The following EBF1 variants were observed in gnomAD, a reference collection of about 807,000 sequenced individuals.
EBF1 encodes EBF transcription factor 1, also known as transcription factor COE1.
In EBF1, 10 loss-of-function variants were observed where a neutral mutation model predicts 68.4. The ratio of observed to expected loss-of-function variants is 0.15; its 90% CI spans 0.09 to 0.25. The LOEUF (loss-of-function observed/expected upper bound fraction) is 0.25. Ranked by LOEUF, EBF1 falls within the 10% of genes least tolerant of loss-of-function variation. The pLI is 1.00. For missense variants in EBF1, 509 were observed against 794.4 expected, an observed-to-expected ratio of 0.64 and a Z score of 4.32; for synonymous variants, 298 against 299.8, an observed-to-expected ratio of 0.99 and a Z score of 0.06.
At chr5:158,959,677 A>G (rs573826775) in intron 6 of EBF1, among the ~76,000 whole-genome samples, 166 of 152,242 alleles carry the variant, frequency 1.1e-3, no homozygotes, top group African/African-American at 3.9e-3. Context: ...ATGTATATAT[A>G]TATATACTTT....
intron 8 of EBF1, among the ~76,000 whole-genome samples, chr5:158,799,891 A>AT (rs538102256): frequency 4.0e-4 from 61 of 152,180 alleles, no homozygotes; most frequent in African/African-American, 1.3e-3. Flanking sequence ...CGAATTCAGT[A>AT]TTTTTTTAAT....
chr5:158,886,581 G>T (rs761652324), intron 6 of EBF1, among the ~76,000 whole-genome samples: 4 of 152,188 alleles, frequency 2.6e-5, no homozygotes, highest in Admixed American at 2.6e-4. Context: ...CTCTTTCAAA[G>T]ATTTACTTCT....
At chr5:158,712,010 A>G in intron 14 of EBF1, 144 bp downstream of exon 14, 1 of 931,934 alleles carries the variant, frequency 1.1e-6, no homozygotes, top group Admixed American at 2.5e-5. Context: ...TGGTGCCTTT[A>G]GCACCATCAC....
intron 9 of EBF1, among the ~76,000 whole-genome samples, chr5:158,791,318 C>CA (rs70987931): frequency 0.13 from 9,071 of 68,472 alleles, 457 homozygotes; most frequent in East Asian, 0.25. Context: ...GATTCCATCT[C>CA]AAAAAAAAAA....
At position 158,762,950 on chromosome 5, in the gene EBF1, C is replaced by T. The variant is rs1269151390; in HGVS notation, c.1036+14463G>A. Among the ~76,000 whole-genome samples, 6 of 152,164 alleles carry T rather than the reference C, an allele frequency of 3.9e-5. No individual in the cohort carries two copies. In the South Asian group the frequency reaches 8.3e-4, roughly 21 times the overall value. On this transcript the variant is annotated intron_variant, in intron 10 of 15. Transcript: ENST00000313708. ...GACTCGTTCATTGTTAGCCAGTCAA[C>T]GTTCCTGTCGGGCATCAAACAAACA...
At chr5:158,700,368 C>T (rs1218403402) in intron 15 of EBF1, among the ~76,000 whole-genome samples, 4 of 152,228 alleles carry the variant, frequency 2.6e-5, no homozygotes, top group Non-Finnish European at 4.4e-5. Context: ...CTCCCAATCA[C>T]GGTTAAGTGT....
intron 7 of EBF1, among the ~76,000 whole-genome samples, chr5:158,839,355 T>C (rs1457684578): frequency 6.6e-6 from 1 of 152,158 alleles, no homozygotes; most frequent in Admixed American, 6.5e-5. Flanking sequence ...CCAGTTGTAC[T>C]CTTTACTGTT....
At chr5:158,932,777 A>G (rs1441336513) in intron 6 of EBF1, among the ~76,000 whole-genome samples, 3 of 152,244 alleles carry the variant, frequency 2.0e-5, no homozygotes, top group South Asian at 2.1e-4. Flanking sequence ...GACTTTTAGT[A>G]GGGCACTCCC....
At chr5:158,761,451 T>C (rs79710251) in intron 10 of EBF1, among the ~76,000 whole-genome samples, 1,714 of 152,336 alleles carry the variant, frequency 0.011, 35 homozygotes, top group African/African-American at 0.039. Flanking sequence ...TATGAAATAA[T>C]GTGTGTTATT....
intron 10 of EBF1, among the ~76,000 whole-genome samples, chr5:158,756,172 GC>G (rs1770045169): frequency 6.6e-6 from 1 of 152,066 alleles, no homozygotes; most frequent in Non-Finnish European, 1.5e-5. Context: ...ATTCTGGCAG[GC>G]TGTTTCCCTC....
chr5:158,713,626 G>A (rs1759969613), intron 12 of EBF1, among the ~76,000 whole-genome samples: 1 of 152,212 alleles, frequency 6.6e-6, no homozygotes, highest in African/African-American at 2.4e-5. Context: ...TAATGGGACT[G>A]TGTCCCCCAG....
At chr5:159,000,339 T>A (rs1189224537) in intron 6 of EBF1, among the ~76,000 whole-genome samples, 1 of 152,182 alleles carries the variant, frequency 6.6e-6, no homozygotes, top group Non-Finnish European at 1.5e-5. Context: ...AATGATAAAA[T>A]GAGTAATACA....
At chr5:158,790,718 A>G (rs1419247033) in intron 9 of EBF1, among the ~76,000 whole-genome samples, 1 of 152,178 alleles carries the variant, frequency 6.6e-6, no homozygotes, top group Non-Finnish European at 1.5e-5. Context: ...AGTCTTCCAT[A>G]ACATTATCTA....
intron 8 of EBF1, among the ~76,000 whole-genome samples, chr5:158,797,215 C>G (rs1326601538): frequency 1.3e-5 from 2 of 152,058 alleles, no homozygotes; most frequent in African/African-American, 4.8e-5. Context: ...ATAAATGGCC[C>G]TTGGAGATGG....
intron 6 of EBF1, among the ~76,000 whole-genome samples, chr5:158,965,221 TCTAA>T (rs1363381774): frequency 6.6e-6 from 1 of 152,176 alleles, no homozygotes; most frequent in African/African-American, 2.4e-5. Flanking sequence ...ACGGTGGTTT[TCTAA>T]CTGTGTGGCC....
chr5:158,858,737 C>T lies in EBF1; in HGVS notation c.555-18627G>A, dbSNP rs185989697. ...TTTTCTGAAACATACATTTTTAAAA[C>T]GTGCCTCTATATTTCACATCAAGGC... On this transcript the variant is annotated intron_variant, in intron 6 of 15. Coordinates refer to ENST00000313708, the MANE Select transcript of EBF1 (RefSeq NM_024007.5). 2.1e-3 allele frequency among the ~76,000 whole-genome samples: 317 copies of T among 152,306 alleles called. 3 individuals are homozygous for T. Among genetic ancestry groups the T allele is most frequent in the African/African-American group, 7.3e-3 (304 of 41,560 alleles).
chr5:158,804,541 C>T (rs768335134), intron 8 of EBF1, among the ~76,000 whole-genome samples: 4 of 152,048 alleles, frequency 2.6e-5, no homozygotes, highest in East Asian at 1.9e-4. Context: ...GTTCATTACA[C>T]GGGGTTATTT....
intron 5 of EBF1, 134 bp from the exon 6 acceptor site, chr5:159,073,598 C>G (rs1778217177): frequency 2.3e-6 from 2 of 886,680 alleles, no homozygotes; most frequent in Non-Finnish European, 3.6e-6. Flanking sequence ...ATCAACGGAT[C>G]CCTGGGACAG....
At chr5:158,879,909 AC>A (rs1798555053) in intron 6 of EBF1, among the ~76,000 whole-genome samples, 2 of 152,112 alleles carry the variant, frequency 1.3e-5, no homozygotes, top group South Asian at 4.1e-4. Context: ...TCTCTCCCGA[AC>A]CAGGCTTTCT....
Sources: gnomAD v4.1 joint callset for allele counts (sites outside exome capture counted in the v4.1 genomes callset) on GRCh38, gnomAD v4.1.1 for gene constraint, MANE v1.5 for transcripts, NCBI Gene and HGNC (gene_info 2026-07-23, HGNC 2026-07-21) for gene names.